Variants in ANO4 observed in about 807,000 individuals in gnomAD.
ANO4 encodes the protein anoctamin-4.
A neutral mutation model predicts 141.9 loss-of-function variants in ANO4; 69 were observed. The observed-to-expected ratio is 0.49, with a 90% confidence interval of 0.40 to 0.59. The LOEUF is 0.59. Ranked by LOEUF, ANO4 falls within the 20% of genes least tolerant of loss-of-function variation. The probability of loss-of-function intolerance (pLI) is 0.00; values close to 1 mark genes in which losing one functional copy is unlikely to be tolerated. For synonymous variants in ANO4, 350 were observed against 394.3 expected, an observed-to-expected ratio of 0.89 and a Z score of 1.33; for missense variants, 894 against 1,162.2, an observed-to-expected ratio of 0.77 and a Z score of 3.36.
In ANO4 at chr12:100,827,917, T is replaced by TG. The variant is rs553426437; in HGVS notation, c.-141+32896dup. Among the ~76,000 whole-genome samples, 263 of 152,060 alleles carry TG rather than the reference T, an allele frequency of 1.7e-3. 1 individual carries two copies. Among genetic ancestry groups the TG allele is most frequent in the African/African-American group, 5.9e-3 (244 of 41,516 alleles). ...ACCCCCATTTCTAACATATATATGTTGGGGGGAAGCTTAAGGTTTTCAGTG... is the reference window on the plus strand; with the variant it reads ...ACCCCCATTTCTAACATATATATGTTGGGGGGGAAGCTTAAGGTTTTCAGTG... On this transcript the variant is annotated intron_variant, in intron 1 of 27. Transcript: ENST00000392977.
chr12:101,002,908 T>C (rs2045711187), intron 8 of ANO4, among the ~76,000 whole-genome samples: 1 of 152,162 alleles, frequency 6.6e-6, no homozygotes, highest in Non-Finnish European at 1.5e-5. Flanking sequence ...TCTCCTTCCT[T>C]AGTCAAAGGT....
At position 101,099,701 on chromosome 12, in the gene ANO4, C is replaced by T. The variant is rs751248544; in HGVS notation, c.2130C>T (p.Phe710=). The change falls in exon 22 of 28, where the codon TTC becomes TTT. Residue 710 remains phenylalanine (F), a synonymous_variant. Transcript: ENST00000392977. ...NLQPMNAYGL[F]DEYLEMILQF... is the part of the protein sequence containing the mutation. ...AGCCGATGAATGCCTATGGACTCTT[C>T]GATGAATACTTAGAAATGAGTATGG... 9 of 1,570,010 alleles carry T rather than the reference C, an allele frequency of 5.7e-6. No homozygotes were observed. The Admixed American group carries it at 6.4e-5, about 11-fold the overall frequency.
chr12:100,740,563 C>A (rs2031818063), intron 3 of ANO4, among the ~76,000 whole-genome samples: 1 of 152,080 alleles, frequency 6.6e-6, no homozygotes, highest in Non-Finnish European at 1.5e-5. Flanking sequence ...AGATATCTAT[C>A]TTGGACTAAA....
chr12:100,734,793 ATTATTT>A (rs1446003211), intron 2 of ANO4, among the ~76,000 whole-genome samples: 2 of 152,234 alleles, frequency 1.3e-5, no homozygotes, highest in Non-Finnish European at 2.9e-5. Context: ...ATGGATTTAA[ATTATTT>A]TTATTATGAG....
At chr12:100,811,940 C>A (rs112413293) in intron 1 of ANO4, among the ~76,000 whole-genome samples, 1 of 152,070 alleles carries the variant, frequency 6.6e-6, no homozygotes, top group Non-Finnish European at 1.5e-5. Flanking sequence ...TTTTGTATAA[C>A]CTTATACAGA....
rs545803203 is a variant in ANO4, at chr12:100,803,963, A to C, written c.-141+8936A>C. ...CAGAGCTTTTTTTTTTTCTTCTTCAACTTTTAAGTTCTGCGGTAATGTGCA... is the reference window on the plus strand; with the variant it reads ...CAGAGCTTTTTTTTTTTCTTCTTCACCTTTTAAGTTCTGCGGTAATGTGCA... On this transcript the variant is annotated intron_variant, in intron 1 of 27. Coordinates refer to ENST00000392977, the MANE Select transcript of ANO4 (RefSeq NM_001286615.2). Among the ~76,000 whole-genome samples the C allele has an allele frequency of 2.1e-4, 32 of 151,774 alleles. 2 individuals carry two copies. Among genetic ancestry groups the C allele is most frequent in the African/African-American group, 7.2e-4 (30 of 41,398 alleles).
chr12:101,111,636 A>G lies in ANO4; in HGVS notation c.2376A>G (p.Thr792=). 6.2e-7 allele frequency: 1 copy of G among 1,613,290 alleles called. No homozygotes were observed. The highest frequency in any genetic ancestry group is 2.2e-5 in the East Asian group (1 of 44,838). ...VITNAFVIAI[T]SDFIPRLVYA... ...CAAATGCATTTGTCATAGCGATAAC[A>G]TCTGACTTTATCCCTCGCTTGGTGT... The change falls in exon 24 of 28, where the codon ACA becomes ACG. Residue 792 remains threonine (T), a synonymous_variant. Transcript: ENST00000392977.
chr12:101,059,191 C>G (rs910314301), intron 14 of ANO4, among the ~76,000 whole-genome samples: 2 of 152,198 alleles, frequency 1.3e-5, no homozygotes, highest in African/African-American at 4.8e-5. Flanking sequence ...TTGAACCAGC[C>G]TTGCATCCCA....
At chr12:101,040,456 G>A (rs2047369746) in intron 11 of ANO4, among the ~76,000 whole-genome samples, 1 of 152,210 alleles carries the variant, frequency 6.6e-6, no homozygotes, top group Non-Finnish European at 1.5e-5. Context: ...ACTACTGTTA[G>A]CAAATAGGAC....
chr12:100,892,597 A>C (rs1292900273), intron 1 of ANO4, among the ~76,000 whole-genome samples: 2 of 152,214 alleles, frequency 1.3e-5, no homozygotes, highest in Admixed American at 6.5e-5. Flanking sequence ...CCTTCCCCAG[A>C]TACCAAAATG....
chr12:100,868,488 C>T (rs564743378), intron 1 of ANO4, among the ~76,000 whole-genome samples: 15 of 152,310 alleles, frequency 9.8e-5, no homozygotes, highest in African/African-American at 2.9e-4. Context: ...TACCACTCAT[C>T]CCTGTGGTTT....
chr12:100,723,847 C>T (rs947749587), intron 1 of ANO4, among the ~76,000 whole-genome samples: 6 of 152,124 alleles, frequency 3.9e-5, no homozygotes, highest in Admixed American at 2.0e-4. Flanking sequence ...TTTGGGAGGA[C>T]ACATTCAGCT....
At chr12:100,991,100 A>G (rs2045078869) in intron 8 of ANO4, among the ~76,000 whole-genome samples, 1 of 152,206 alleles carries the variant, frequency 6.6e-6, no homozygotes, top group African/African-American at 2.4e-5. Context: ...TTTATCGTGT[A>G]AATAAGAGGT....
chr12:100,901,623 A>C (rs376358909), intron 1 of ANO4, 23 bp from the exon 2 acceptor site: 1 of 743,510 alleles, frequency 1.3e-6, no homozygotes, highest in Non-Finnish European at 2.5e-6. Context: ...TCTTCAGTCT[A>C]ATGGTGCCAT....
intron 1 of ANO4, among the ~76,000 whole-genome samples, chr12:100,828,262 A>G (rs184057152): frequency 4.3e-4 from 66 of 152,008 alleles, no homozygotes; most frequent in Non-Finnish European, 7.7e-4. Flanking sequence ...ACATTCCCCA[A>G]TTGGAGAGGG....
intron 8 of ANO4, among the ~76,000 whole-genome samples, chr12:100,990,960 G>C (rs994518274): frequency 6.6e-6 from 1 of 151,996 alleles, no homozygotes; most frequent in Non-Finnish European, 1.5e-5. Flanking sequence ...AGTGTTGTTT[G>C]AAAAAAGAGA....
At chr12:101,094,468 TATAA>T (rs1341681358) in intron 18 of ANO4, among the ~76,000 whole-genome samples, 176 bp downstream of exon 18, 6 of 152,330 alleles carry the variant, frequency 3.9e-5, no homozygotes, top group African/African-American at 1.4e-4. Context: ...AATTTTTCTA[TATAA>T]ATCTTTAAAA....
intron 2 of ANO4, chr12:100,739,847 T>C (rs1050325763): frequency 1.4e-6 from 1 of 702,022 alleles, no homozygotes; most frequent in African/African-American, 1.7e-5. Context: ...TATGTTTATC[T>C]CACCAGGTTA....
chr12:101,025,114 C>G (rs1566141854), intron 9 of ANO4, among the ~76,000 whole-genome samples: 1 of 152,316 alleles, frequency 6.6e-6, no homozygotes, highest in East Asian at 1.9e-4. Context: ...TAAACTTCCA[C>G]TTCTGGCCAA....
Sources: gnomAD v4.1 joint callset for allele counts (sites outside exome capture counted in the v4.1 genomes callset) on GRCh38, gnomAD v4.1.1 for gene constraint, MANE v1.5 for transcripts, NCBI Gene and HGNC (gene_info 2026-07-23, HGNC 2026-07-21) for gene names.